SLC47A1: variants seen among roughly 807,000 people sequenced by gnomAD.
The protein encoded by SLC47A1 is solute carrier family 47 member 1.
Under a neutral mutation model 65.8 loss-of-function variants are expected in SLC47A1, and 58 were observed. The observed-to-expected ratio is 0.88, with a 90% CI of 0.71 to 1.10. The LOEUF (loss-of-function observed/expected upper bound fraction) is 1.10, where lower values mean the gene tolerates loss of function less well. Among genes scored for constraint, SLC47A1 ranks in the 50% least tolerant of loss-of-function variants. The pLI, the probability that SLC47A1 is intolerant of heterozygous loss-of-function variation, is 0.00. For synonymous variants in SLC47A1, 285 were observed against 295.0 expected (o/e 0.97, Z 0.35); for missense variants, 706 against 719.2 (o/e 0.98, Z 0.21).
chr17:19,538,327 A>G (rs1916050025), intron 1 of SLC47A1, among the ~76,000 whole-genome samples: 2 of 152,270 alleles, frequency 1.3e-5, no homozygotes, highest in South Asian at 4.1e-4. Flanking sequence ...AGTCCACTGT[A>G]GAGTGTCAGC....
intron 4 of SLC47A1, 88 bp from the exon 5 acceptor site, chr17:19,549,547 A>C: frequency 7.5e-7 from 1 of 1,341,158 alleles, no homozygotes; most frequent in Non-Finnish European, 1.1e-6. Flanking sequence ...TGGAAAAGGC[A>C]GTTTTAGTTA....
At chr17:19,555,956 C>T (rs376982279) in intron 9 of SLC47A1, 39 bp from the exon 10 acceptor site, 29 of 1,614,004 alleles carry the variant, frequency 1.8e-5, no homozygotes, top group African/African-American at 4.0e-5. Context: ...CCTGGGGGCC[C>T]TGTCTGGGTG....
Position 19,548,067 on chromosome 17 carries a change from G to A in SLC47A1, c.389G>A (p.Cys130Tyr). The A allele has an allele frequency of 6.2e-7, 1 of 1,614,098 alleles. No homozygotes were observed. The highest frequency in any genetic ancestry group is 8.5e-7 in the Non-Finnish European group (1 of 1,180,034). The change falls in exon 4 of 17, where the codon TGC (cysteine) becomes TAC (tyrosine). Residue 130 changes from cysteine (C) to tyrosine (Y), a missense_variant. Transcript: ENST00000270570. Reference protein sequence around the residue: ...ALVLLLCCFPCWALFLNTQHI... With the variant: ...ALVLLLCCFPYWALFLNTQHI... ...GTCCTGCTCCTCTGCTGCTTCCCCT[G>A]CTGGGCGCTCTTTCTCAACACCCAG...
In SLC47A1 at chr17:19,560,313, A is replaced by C. The variant is rs374961983; in HGVS notation, c.1030+17A>C. 1.2e-6 allele frequency: 2 copies of C among 1,610,214 alleles called. No homozygotes were observed. The highest frequency in any genetic ancestry group is 1.3e-5 in the African/African-American group (1 of 74,698). ...TGATTACAGGTGCTGAGACCCCTTT[A>C]CCCGAGGCTCTTGGTGCAGTCTCTG... On this transcript the variant is annotated intron_variant, in intron 11 of 16. Transcript: ENST00000270570.
At chr17:19,576,265 A>G (rs1258893705) in intron 16 of SLC47A1, among the ~76,000 whole-genome samples, 3 of 149,114 alleles carry the variant, frequency 2.0e-5, no homozygotes, top group African/African-American at 7.4e-5. Context: ...ATTCTCTGCA[A>G]TCCTTCAATA....
chr17:19,570,214 A>G (rs1042942109), intron 14 of SLC47A1, among the ~76,000 whole-genome samples: 5 of 152,268 alleles, frequency 3.3e-5, no homozygotes, highest in South Asian at 2.1e-4. Context: ...TCCATAAACC[A>G]GGAACCCAGA....
chr17:19,555,963 G>A (rs1202055642), intron 9 of SLC47A1, 32 bp from the exon 10 acceptor site: 2 of 1,614,140 alleles, frequency 1.2e-6, no homozygotes, highest in Non-Finnish European at 1.7e-6. Context: ...GCCCTGTCTG[G>A]GTGCAAGGCG....
At chr17:19,542,792 G>GT (rs1916182731) in intron 2 of SLC47A1, among the ~76,000 whole-genome samples, 1 of 118,442 alleles carries the variant, frequency 8.4e-6, no homozygotes, top group Non-Finnish European at 1.7e-5. Context: ...ATTTTATTTT[G>GT]TTGTTTTTTT....
chr17:19,545,240 G>A (rs1344278823), intron 2 of SLC47A1, among the ~76,000 whole-genome samples: 1 of 152,130 alleles, frequency 6.6e-6, no homozygotes, highest in African/African-American at 2.4e-5. Flanking sequence ...TGTTGCCCAG[G>A]CTGGAGTGCA....
intron 7 of SLC47A1, 108 bp from the exon 8 acceptor site, chr17:19,555,485 T>G: frequency 7.5e-7 from 1 of 1,340,362 alleles, no homozygotes; most frequent in Non-Finnish European, 1.1e-6. Context: ...AAGAAGACCT[T>G]GGCCTGCTGA....
intron 1 of SLC47A1, among the ~76,000 whole-genome samples, chr17:19,536,534 G>A (rs147462543): frequency 6.6e-6 from 1 of 152,282 alleles, no homozygotes; most frequent in East Asian, 1.9e-4. Context: ...GGTAATTTGG[G>A]AGCTTTCCTT....
rs971500944 is a variant in SLC47A1 at position 19,577,820 on chromosome 17, A to G, written c.*267A>G. 1.3e-5 allele frequency: 17 copies of G among 1,319,846 alleles called. No homozygotes were observed. The highest frequency in any genetic ancestry group is 1.6e-5 in the Non-Finnish European group (16 of 1,029,850). 81.8% of individuals were successfully genotyped at this position (1,319,846 alleles called of 1,614,324 possible). On this transcript the variant is annotated 3_prime_UTR_variant, in exon 17 of 17. Coordinates refer to ENST00000270570, the MANE Select transcript of SLC47A1 (RefSeq NM_018242.3). ...AAGCAAGGATCAATGTGCTGACTGC[A>G]TTGGCCAATGGCTTTGATACTTCTG...
chr17:19,557,460 AT>A, intron 10 of SLC47A1: 1 of 384,534 alleles, frequency 2.6e-6, no homozygotes, highest in East Asian at 6.7e-5. Context: ...TGAATAGTTT[AT>A]TTCCAATGTT....
At chr17:19,552,811 G>A (rs566518522) in intron 6 of SLC47A1, among the ~76,000 whole-genome samples, 125 of 152,302 alleles carry the variant, frequency 8.2e-4, no homozygotes, top group African/African-American at 2.9e-3. Flanking sequence ...ACGCCACTGC[G>A]GTGGGAGGGG....
In SLC47A1 at chr17:19,548,133, G is replaced by A. The variant is rs1264461777; in HGVS notation, c.455G>A (p.Arg152Lys). 1 of 1,610,372 alleles carries A rather than the reference G, an allele frequency of 6.2e-7. No individual in the cohort carries two copies. The highest frequency in any genetic ancestry group is 8.5e-7 in the Non-Finnish European group (1 of 1,177,846). Reference sequence around the variant, plus strand: ...TTCAGGCAGGACCCAGATGTGTCCAGGTAAGATGGAACCTGTCGCAGCGGG... The same window carrying A: ...TTCAGGCAGGACCCAGATGTGTCCAAGTAAGATGGAACCTGTCGCAGCGGG... Reference protein sequence around the residue: ...LLFRQDPDVSRLTQTYVTIFI... With the variant: ...LLFRQDPDVSKLTQTYVTIFI... Residue 152 changes from arginine (R) to lysine (K), a missense_variant and splice_region_variant, in exon 4 of 17, where the codon AGG becomes AAG. Physicochemically the swap from Arg to Lys is conservative, Grantham distance 26. Transcript: ENST00000270570.
chr17:19,546,401 C>A, intron 2 of SLC47A1, 34 bp from the exon 3 acceptor site: 1 of 1,607,202 alleles, frequency 6.2e-7, no homozygotes, highest in Non-Finnish European at 8.5e-7. Context: ...CCTCCTTTAA[C>A]TCTATAGGGC....
Position 19,577,358 on chromosome 17 carries a change from G to C in SLC47A1, c.1518G>C (p.Thr506=). Residue 506 remains threonine, a synonymous_variant, in exon 17 of 17, where the codon ACG becomes ACC. Transcript: ENST00000270570. ...GCPENLEGIL[T]NDVGKTGEPQ... The stretch of plus-strand genomic sequence containing the variant: ...CTGAAAACCTTGAAGGAATTTTAAC[G>C]AACGATGTTGGAAAGACAGGCGAGC... 6.2e-7 allele frequency: 1 copy of C among 1,613,980 alleles called. No homozygotes were observed. Among genetic ancestry groups the C allele is most frequent in the Non-Finnish European group, 8.5e-7 (1 of 1,180,016 alleles).
chr17:19,537,707 C>T (rs115553821), intron 1 of SLC47A1, among the ~76,000 whole-genome samples: 5,683 of 152,300 alleles, frequency 0.037, 311 homozygotes, highest in African/African-American at 0.12. Flanking sequence ...CCTTTTCAAA[C>T]GCACATCTGA....
At chr17:19,560,644 C>T in intron 12 of SLC47A1, 151 bp downstream of exon 12, 3 of 772,818 alleles carry the variant, frequency 3.9e-6, no homozygotes, top group Non-Finnish European at 6.5e-6. Flanking sequence ...CCTGTAATCC[C>T]AGCACTTTGG....
Sources: gnomAD v4.1 joint callset for allele counts (sites outside exome capture counted in the v4.1 genomes callset) on GRCh38, gnomAD v4.1.1 for gene constraint, MANE v1.5 for transcripts, NCBI Gene and HGNC (gene_info 2026-07-23, HGNC 2026-07-21) for gene names.